Variants in HAGH observed in about 807,000 individuals in gnomAD.
The protein encoded by HAGH is hydroxyacylglutathione hydrolase, also known as hydroxyacylglutathione hydrolase, mitochondrial.
A neutral mutation model predicts 35.1 loss-of-function variants in HAGH; 29 were observed. The observed-to-expected ratio is 0.83, with a 90% CI of 0.62 to 1.13. The LOEUF (loss-of-function observed/expected upper bound fraction) is 1.13. HAGH is among the 50% of genes most tolerant of loss of function. The pLI, the probability that HAGH is intolerant of heterozygous loss-of-function variation, is 0.00. For synonymous variants in HAGH, 225 were observed against 176.1 expected (o/e 1.28, Z -2.20); for missense variants, 478 against 419.6 (o/e 1.14, Z -1.22).
Position 1,809,299 on chromosome 16 carries a change from T to TTGAACTGGTCCTTCTCCCTGCGCACGGCC in HAGH, c.882_910dup (p.Lys304ArgfsTer32). ...AGGGCGGCCTCAGTCCCGGGGCATC[T>TTGAACTGGTCCTTCTCCCTGCGCACGGCC]TGAACTGGTCCTTCTCCCTGCGCAC... On this transcript the variant is annotated frameshift_variant, in exon 9 of 9. Transcript: ENST00000397356. LOFTEE classifies it high-confidence loss of function. 6.2e-7 allele frequency: 1 copy of TTGAACTGGTCCTTCTCCCTGCGCACGGCC among 1,612,120 alleles called. No homozygotes were observed. The highest frequency in any genetic ancestry group is 8.5e-7 in the Non-Finnish European group (1 of 1,178,560).
At position 1,809,309 on chromosome 16, in the gene HAGH, C is replaced by T. The variant is rs141371739; in HGVS notation, c.901G>A (p.Asp301Asn). Residue 301 changes from aspartate (D) to asparagine (N), a missense_variant, in exon 9 of 9, where the codon GAC (aspartate) becomes AAC (asparagine). Asp to Asn is a conservative substitution (Grantham distance 23, BLOSUM62 1). Transcript: ENST00000397356. ...TTMRAVRREK[D>N]QFKMPRD is the part of the protein sequence containing the mutation. ...CAGTCCCGGGGCATCTTGAACTGGTCCTTCTCCCTGCGCACGGCCCGCATG... is the reference window on the plus strand; with the variant it reads ...CAGTCCCGGGGCATCTTGAACTGGTTCTTCTCCCTGCGCACGGCCCGCATG... 8.4e-5 allele frequency: 135 copies of T among 1,613,304 alleles called. No homozygotes were observed. Among genetic ancestry groups the T allele is most frequent in the Non-Finnish European group, 1.0e-4 (122 of 1,179,556 alleles).
intron 8 of HAGH, 50 bp downstream of exon 8, chr16:1,809,704 G>A (rs372964232): frequency 5.5e-6 from 7 of 1,270,880 alleles, no homozygotes; most frequent in Non-Finnish European, 8.1e-6. Context: ...TGCAGCAGTG[G>A]GACTGCCAGA....
At chr16:1,811,423 GAAC>G (rs1211573217) in intron 7 of HAGH, among the ~76,000 whole-genome samples, 5 of 151,536 alleles carry the variant, frequency 3.3e-5, no homozygotes, top group African/African-American at 9.7e-5. Flanking sequence ...CCCAAAGAAA[GAAC>G]AACAGGCCGG....
chr16:1,817,124 G>A (rs749388526), intron 6 of HAGH, 44 bp downstream of exon 6: 8 of 1,439,634 alleles, frequency 5.6e-6, no homozygotes, highest in African/African-American at 1.4e-5. Flanking sequence ...CCCCGCCCTG[G>A]TTAAGGCCCC....
intron 8 of HAGH, 44 bp downstream of exon 8, chr16:1,809,710 C>T: frequency 7.4e-7 from 1 of 1,360,096 alleles, no homozygotes; most frequent in Non-Finnish European, 1.1e-6. Context: ...AGTGGGACTG[C>T]CAGAGGGGAG....
intron 5 of HAGH, 138 bp downstream of exon 5, chr16:1,818,977 G>A (rs889321618): frequency 1.8e-5 from 11 of 617,456 alleles, no homozygotes; most frequent in Non-Finnish European, 3.2e-5. Flanking sequence ...CCACCATGAG[G>A]CTCCCCAGCA....
intron 5 of HAGH, among the ~76,000 whole-genome samples, chr16:1,818,071 G>A (rs150409342): frequency 2.0e-5 from 3 of 152,324 alleles, no homozygotes; most frequent in East Asian, 3.9e-4. Context: ...CCTAGACCTC[G>A]AGTCTGAGGA....
chr16:1,814,114 A>T (rs1472284417), intron 7 of HAGH, among the ~76,000 whole-genome samples: 5 of 152,252 alleles, frequency 3.3e-5, no homozygotes, highest in Non-Finnish European at 7.3e-5. Context: ...GAAGAAACAC[A>T]GGAGAAAGTC....
chr16:1,825,610 G>C (rs1898365622), intron 1 of HAGH, among the ~76,000 whole-genome samples: 2 of 152,140 alleles, frequency 1.3e-5, no homozygotes, highest in African/African-American at 4.8e-5. Context: ...GTCTCACTCT[G>C]TCCCCTAGGC....
chr16:1,815,173 G>A (rs1897837927), intron 7 of HAGH, among the ~76,000 whole-genome samples: 1 of 152,082 alleles, frequency 6.6e-6, no homozygotes, highest in Non-Finnish European at 1.5e-5. Flanking sequence ...AAGTTAGAAT[G>A]GCAAAAATTG....
chr16:1,816,794 G>T, intron 7 of HAGH, 99 bp downstream of exon 7: 1 of 750,444 alleles, frequency 1.3e-6, no homozygotes, highest in Non-Finnish European at 2.3e-6. Context: ...TGCTCTCTGG[G>T]CTCAGAGTGT....
intron 7 of HAGH, chr16:1,810,338 C>T (rs576212563): frequency 1.4e-3 from 218 of 155,782 alleles, no homozygotes; most frequent in African/African-American, 5.0e-3. Context: ...ACGACAGGGA[C>T]GGAGCTTCCT....
intron 1 of HAGH, 89 bp downstream of exon 1, chr16:1,826,623 C>T: frequency 2.0e-6 from 2 of 976,410 alleles, no homozygotes; most frequent in Non-Finnish European, 1.2e-6. Flanking sequence ...GACACCGCGT[C>T]AGCGGTCGCC....
chr16:1,819,767 G>T (rs1039862107), intron 4 of HAGH, 130 bp downstream of exon 4: 4 of 700,634 alleles, frequency 5.7e-6, no homozygotes, highest in African/African-American at 3.5e-5. Context: ...CATCCACGCT[G>T]CCACAGAGGA....
chr16:1,822,991 G>A lies in HAGH; in HGVS notation c.123C>T (p.Asn41=). ...GVFCHTDLRK[N]LTVDEGTMKV... Reference sequence around the variant, plus strand: ...TCATGGTGCCCTCGTCCACGGTCAGGTTCTTCCGCAAATCTGTGTGGCAGA... The same window carrying A: ...TCATGGTGCCCTCGTCCACGGTCAGATTCTTCCGCAAATCTGTGTGGCAGA... The change falls in exon 2 of 9, where the codon AAC becomes AAT. Residue 41 remains asparagine (N), a synonymous_variant. Coordinates refer to ENST00000397356, the MANE Select transcript of HAGH (RefSeq NM_005326.6). The A allele has an allele frequency of 6.2e-7, 1 of 1,613,924 alleles. No homozygotes were observed. The highest frequency in any genetic ancestry group is 8.5e-7 in the Non-Finnish European group (1 of 1,179,976).
rs201832789 is a variant in HAGH at position 1,816,966 on chromosome 16, A to G, written c.674T>C (p.Ile225Thr). ...GTGGCGTGCAAACTTGAGGTTGTTGATGGTGTACTCGTGGCCACAGTAGAC... is the reference window on the plus strand; with the variant it reads ...GTGGCGTGCAAACTTGAGGTTGTTGGTGGTGTACTCGTGGCCACAGTAGAC... Reference protein sequence around the residue: ...TRVYCGHEYTINNLKFARHVE... With the variant: ...TRVYCGHEYTTNNLKFARHVE... Residue 225 changes from isoleucine to threonine, a missense_variant, in exon 7 of 9, where the codon ATC becomes ACC. By Grantham distance (89) the Ile-to-Thr change is moderately conservative. Coordinates refer to ENST00000397356, the MANE Select transcript of HAGH (RefSeq NM_005326.6). 4 of 1,613,358 alleles carry G rather than the reference A, an allele frequency of 2.5e-6. No individual in the cohort carries two copies. The Admixed American group carries it at 5.0e-5, about 20-fold the overall frequency.
At position 1,807,951 on chromosome 16, in the gene HAGH, A is replaced by G. The variant is rs1460558310; in HGVS notation, c.*1332T>C. On this transcript the variant is annotated 3_prime_UTR_variant, in exon 9 of 9. Transcript: ENST00000397356. ...CCCCTCCACTCAGAAGAGTCTGTCT[A>G]TAGGACCAGGTGGCAGAGGGTGTGG... 2 of 152,368 alleles carry G rather than the reference A, an allele frequency of 1.3e-5. No homozygotes were observed. Among genetic ancestry groups the G allele is most frequent in the South Asian group, 2.1e-4 (1 of 4,806 alleles). 9.4% of individuals were successfully genotyped at this position (152,368 alleles called of 1,614,324 possible).
At chr16:1,823,071 G>A (rs371698637) in intron 1 of HAGH, 34 bp from the exon 2 acceptor site, 28 of 1,603,660 alleles carry the variant, frequency 1.7e-5, no homozygotes, top group East Asian at 4.5e-5. Flanking sequence ...GCGGGCAGCC[G>A]CGCCAGGCCC....
Position 1,826,579 on chromosome 16 carries a change from G to A in HAGH, c.76+133C>T, listed in dbSNP as rs1008106855. On this transcript the variant is annotated intron_variant, in intron 1 of 8. Transcript: ENST00000397356. Reference sequence around the variant, plus strand: ...CAGCGCCTGCGCCGCCTCCGCTCGAGCCCGGCAGCGCGGCCTTAGGCACCT... The same window carrying A: ...CAGCGCCTGCGCCGCCTCCGCTCGAACCCGGCAGCGCGGCCTTAGGCACCT... 3.1e-6 allele frequency: 3 copies of A among 981,054 alleles called. No homozygotes were observed. The African/African-American group carries it at 5.4e-5, about 18-fold the overall frequency. 60.8% of individuals were successfully genotyped at this position (981,054 alleles called of 1,614,324 possible). A position where few individuals can be genotyped will look rare whatever the true frequency, so the allele number is the denominator to read the frequency against.
Sources: allele counts gnomAD v4.1 joint callset (sites outside exome capture counted in the v4.1 genomes callset), GRCh38; gene constraint gnomAD v4.1.1; transcripts MANE v1.5; gene names NCBI Gene and HGNC (gene_info 2026-07-23, HGNC 2026-07-21).